Variants in ANKRD45 observed in about 807,000 individuals in gnomAD.
ANKRD45 encodes ankyrin repeat domain-containing protein 45.
ANKRD45 carries 21 observed loss-of-function variants against 28.1 expected under a neutral mutation model. The ratio of observed to expected loss-of-function variants is 0.75; its 90% CI spans 0.53 to 1.08. ANKRD45 has a LOEUF of 1.08. Among genes scored for constraint, ANKRD45 ranks in the 50% least tolerant of loss-of-function variants. The pLI is 0.00. For missense variants in ANKRD45, 261 were observed against 308.7 expected (o/e 0.85, Z 1.16); for synonymous variants, 86 against 103.9 (o/e 0.83, Z 1.05).
chr1:173,635,716 C>A, intron 3 of ANKRD45: 3 of 1,535,630 alleles, frequency 2.0e-6, no homozygotes, highest in Non-Finnish European at 8.7e-7. Flanking sequence ...TATGCTGCGA[C>A]TTTGCTAACA....
intron 3 of ANKRD45, 83 bp downstream of exon 3, chr1:173,646,763 A>G (rs2102360307): frequency 7.3e-7 from 1 of 1,374,546 alleles, no homozygotes; most frequent in East Asian, 2.3e-5. Flanking sequence ...AAACACTGTG[A>G]AAAAAGGTGA....
chr1:173,613,683 G>T (rs914644990), intron 5 of ANKRD45, among the ~76,000 whole-genome samples: 9 of 135,376 alleles, frequency 6.6e-5, no homozygotes, highest in Non-Finnish European at 1.3e-4. Context: ...CGCCCCGTCC[G>T]GGAGGTTGGG....
the ANKRD45 span, among the ~76,000 whole-genome samples, chr1:173,685,187 CG>C: frequency 6.6e-6 from 1 of 152,150 alleles, no homozygotes; most frequent in African/African-American, 2.4e-5. Flanking sequence ...CACATCCACT[CG>C]GGGATGAACA....
chr1:173,682,005 G>A, the ANKRD45 span, among the ~76,000 whole-genome samples: 6 of 150,132 alleles, frequency 4.0e-5, no homozygotes, highest in African/African-American at 1.2e-4. Flanking sequence ...AGCCAAGATC[G>A]TACCACTGCA....
the ANKRD45 span, among the ~76,000 whole-genome samples, chr1:173,685,467 C>T: frequency 6.6e-6 from 1 of 152,188 alleles, no homozygotes; most frequent in Admixed American, 6.5e-5. Context: ...AACTGGAGGA[C>T]CACCCTAGTG....
intron 4 of ANKRD45, 117 bp from the exon 5 acceptor site, chr1:173,625,042 C>T: frequency 9.4e-7 from 1 of 1,061,112 alleles, no homozygotes. Flanking sequence ...ATATTCTGTA[C>T]CTGCATTGTC....
At chr1:173,619,786 C>T (rs780871340) in intron 5 of ANKRD45, among the ~76,000 whole-genome samples, 1 of 145,694 alleles carries the variant, frequency 6.9e-6, no homozygotes, top group Non-Finnish European at 1.5e-5. Flanking sequence ...CGAGATTGCA[C>T]AATTGTACTC....
the ANKRD45 span, among the ~76,000 whole-genome samples, chr1:173,680,344 G>A: frequency 6.6e-6 from 1 of 152,168 alleles, no homozygotes. Flanking sequence ...ATACACCATG[G>A]AATACTATGC....
At chr1:173,618,569 G>A (rs528160772) in intron 5 of ANKRD45, among the ~76,000 whole-genome samples, 1 of 151,878 alleles carries the variant, frequency 6.6e-6, no homozygotes, top group South Asian at 2.1e-4. Flanking sequence ...TTTTGAAATA[G>A]GAAGACAAGA....
intron 3 of ANKRD45, among the ~76,000 whole-genome samples, chr1:173,643,613 T>C (rs1668798604): frequency 6.6e-6 from 1 of 152,218 alleles, no homozygotes; most frequent in African/African-American, 2.4e-5. Context: ...TATAGATTAA[T>C]GTTTTTTTAA....
At chr1:173,613,013 C>T (rs1270522425) in intron 5 of ANKRD45, among the ~76,000 whole-genome samples, 4 of 152,140 alleles carry the variant, frequency 2.6e-5, no homozygotes, top group African/African-American at 9.7e-5. Flanking sequence ...CGGCCGCCAC[C>T]CCGTCTGGGA....
the ANKRD45 span, among the ~76,000 whole-genome samples, chr1:173,678,778 A>G: frequency 6.6e-6 from 1 of 152,240 alleles, no homozygotes; most frequent in Non-Finnish European, 1.5e-5. Context: ...CTCTGTTTGC[A>G]GATGACATGA....
chr1:173,643,748 T>C (rs541143095), intron 3 of ANKRD45, among the ~76,000 whole-genome samples: 4 of 151,590 alleles, frequency 2.6e-5, no homozygotes, highest in African/African-American at 9.7e-5. Flanking sequence ...TCTTGAAAAA[T>C]CCCAGAAAAA....
At chr1:173,638,006 T>C (rs1668530651) in intron 3 of ANKRD45, among the ~76,000 whole-genome samples, 1 of 152,004 alleles carries the variant, frequency 6.6e-6, no homozygotes, top group African/African-American at 2.4e-5. Flanking sequence ...AGGACCACAG[T>C]GACCAGGTGA....
chr1:173,617,751 C>T (rs1314166583), intron 5 of ANKRD45, among the ~76,000 whole-genome samples: 1 of 152,246 alleles, frequency 6.6e-6, no homozygotes, highest in Non-Finnish European at 1.5e-5. Flanking sequence ...CTATCCCCAA[C>T]ACAGCACACC....
chr1:173,683,973 T>C, the ANKRD45 span, among the ~76,000 whole-genome samples: 1 of 152,172 alleles, frequency 6.6e-6, no homozygotes, highest in Non-Finnish European at 1.5e-5. Flanking sequence ...CATTCCCCTA[T>C]TGGCTAGGGT....
intron 3 of ANKRD45, among the ~76,000 whole-genome samples, chr1:173,633,418 C>T (rs1297912557): frequency 6.6e-6 from 1 of 151,988 alleles, no homozygotes; most frequent in Non-Finnish European, 1.5e-5. Flanking sequence ...GCTCATACTA[C>T]CCAAAGCAAT....
the ANKRD45 span, among the ~76,000 whole-genome samples, chr1:173,714,433 G>C: frequency 6.6e-6 from 1 of 152,144 alleles, no homozygotes; most frequent in African/African-American, 2.4e-5. Context: ...AGAAAGGGCA[G>C]ACTAACACAG....
the ANKRD45 span, among the ~76,000 whole-genome samples, chr1:173,680,958 C>G: frequency 1.1e-5 from 1 of 92,368 alleles, no homozygotes; most frequent in Non-Finnish European, 2.0e-5. Context: ...ACACCAGGGC[C>G]TGATGGTGGG....
Sources: allele counts gnomAD v4.1 joint callset (sites outside exome capture counted in the v4.1 genomes callset), GRCh38; gene constraint gnomAD v4.1.1; transcripts MANE v1.5; gene names NCBI Gene and HGNC (gene_info 2026-07-23, HGNC 2026-07-21).